Variants in CBFA2T3 observed in about 807,000 individuals in gnomAD.
The protein encoded by CBFA2T3 is CBFA2/RUNX1 partner transcriptional co-repressor 3, also known as transcriptional corepressor CBFA2T3.
A neutral mutation model predicts 58.6 loss-of-function variants in CBFA2T3; 31 were observed. That is an observed-to-expected ratio of 0.53 (90% confidence interval 0.40 to 0.71). CBFA2T3 has a LOEUF of 0.71. CBFA2T3 is among the 30% of genes least tolerant of loss of function. The pLI is 0.00. For synonymous variants in CBFA2T3, 531 were observed against 421.9 expected (o/e 1.26, Z -3.17); for missense variants, 1,076 against 963.1 (o/e 1.12, Z -1.55).
rs1972884170 is a variant in CBFA2T3 at position 88,977,128 on chromosome 16, G to C, written c.-321C>G. 9.2e-6 allele frequency: 3 copies of C among 325,154 alleles called. No individual in the cohort carries two copies. In the South Asian group the frequency reaches 2.5e-4, roughly 27 times the overall value. The allele number at this position is 325,154 out of a possible 1,614,324, so 20.1% of individuals were successfully genotyped here. On this transcript the variant is annotated 5_prime_UTR_variant, in exon 1 of 12. Coordinates refer to ENST00000268679, the MANE Select transcript of CBFA2T3 (RefSeq NM_005187.6). ...GTGATAATGCCGGGGCCGGAGGCCT[G>C]CAGCTGCGCCCGCCACTTCCCTGAC...
chr16:88,877,366 G>A (rs1044386647), intron 11 of CBFA2T3, 91 bp from the exon 12 acceptor site: 9 of 1,019,986 alleles, frequency 8.8e-6, no homozygotes, highest in African/African-American at 3.3e-5. Context: ...ACCCAGCCAC[G>A]TCATCACCAG....
At chr16:88,927,810 C>T (rs1340448827) in intron 1 of CBFA2T3, among the ~76,000 whole-genome samples, 1 of 152,236 alleles carries the variant, frequency 6.6e-6, no homozygotes, top group Non-Finnish European at 1.5e-5. Context: ...AGACTTCCCA[C>T]CTGCTCCCTC....
At chr16:88,915,903 G>A (rs770945344) in intron 1 of CBFA2T3, among the ~76,000 whole-genome samples, 7 of 152,072 alleles carry the variant, frequency 4.6e-5, no homozygotes, top group African/African-American at 1.2e-4. Context: ...GGAGCGTCAC[G>A]GTGCCCTCTA....
rs769547749 is a variant in CBFA2T3 at position 88,876,263 on chromosome 16, C to G, written c.*713G>C. 4.4e-6 allele frequency: 1 copy of G among 228,376 alleles called. No homozygotes were observed. Among genetic ancestry groups the G allele is most frequent in the Non-Finnish European group, 8.7e-6 (1 of 114,996 alleles). The allele number at this position is 228,376 out of a possible 1,614,324, so 14.1% of individuals were successfully genotyped here. A position where few individuals can be genotyped will look rare whatever the true frequency, so the allele number is the denominator to read the frequency against. ...TTTAAAAAAACTTTTTGGATTTTTA[C>G]TTAAAGCCAAAGAGTTTAACATTAC... On this transcript the variant is annotated 3_prime_UTR_variant, in exon 12 of 12. Transcript: ENST00000268679.
chr16:88,964,491 C>A (rs909560348), intron 1 of CBFA2T3, among the ~76,000 whole-genome samples: 2 of 152,206 alleles, frequency 1.3e-5, no homozygotes, highest in African/African-American at 2.4e-5. Flanking sequence ...AGAAAGATTG[C>A]ACTTCACTAA....
intron 5 of CBFA2T3, among the ~76,000 whole-genome samples, chr16:88,889,838 C>T (rs1969552992): frequency 6.9e-6 from 1 of 145,394 alleles, no homozygotes; most frequent in Non-Finnish European, 1.5e-5. Context: ...CGATGCCCCG[C>T]GATTCCTCCT....
chr16:88,975,563 G>A (rs544741141), intron 1 of CBFA2T3, among the ~76,000 whole-genome samples: 2 of 152,392 alleles, frequency 1.3e-5, no homozygotes, highest in East Asian at 3.9e-4. Flanking sequence ...AGGACGGGAT[G>A]GCAGATGCCA....
intron 3 of CBFA2T3, among the ~76,000 whole-genome samples, chr16:88,895,993 G>A (rs1000139924): frequency 6.6e-6 from 1 of 152,214 alleles, no homozygotes; most frequent in Non-Finnish European, 1.5e-5. Flanking sequence ...TGTACTGTGT[G>A]TCCCCAGCCA....
At chr16:88,887,784 C>T (rs1346411019) in intron 5 of CBFA2T3, among the ~76,000 whole-genome samples, 1 of 152,128 alleles carries the variant, frequency 6.6e-6, no homozygotes, top group Non-Finnish European at 1.5e-5. Context: ...CAAAATGCCC[C>T]AACTCCACCA....
At chr16:88,896,112 G>C (rs1168994189) in intron 3 of CBFA2T3, among the ~76,000 whole-genome samples, 2 of 152,208 alleles carry the variant, frequency 1.3e-5, no homozygotes, top group African/African-American at 4.8e-5. Flanking sequence ...TGTTGTGTGA[G>C]GCTGTTGGCA....
At chr16:88,903,719 C>T (rs1429608470) in intron 1 of CBFA2T3, among the ~76,000 whole-genome samples, 1 of 148,992 alleles carries the variant, frequency 6.7e-6, no homozygotes, top group East Asian at 2.0e-4. Flanking sequence ...TGGGGGCAGC[C>T]CTTCCAGACC....
chr16:88,924,414 G>A (rs944841643), intron 1 of CBFA2T3, among the ~76,000 whole-genome samples: 2 of 152,126 alleles, frequency 1.3e-5, no homozygotes, highest in African/African-American at 4.8e-5. Context: ...GAGGGACCCG[G>A]GGTCCAGGAA....
chr16:88,976,688 GGAGCAGCC>G lies in CBFA2T3; in HGVS notation c.112_119del (p.Gly38ArgfsTer18). The G allele has an allele frequency of 6.4e-7, 1 of 1,562,166 alleles. No homozygotes were observed. ...CGCCCTTCCTGGGACCCCGGGGTGC[GGAGCAGCC>G]GGCAGATGCCAGGAGGCCGCTCTCC... On this transcript the variant is annotated frameshift_variant, in exon 1 of 12. Coordinates refer to ENST00000268679, the MANE Select transcript of CBFA2T3 (RefSeq NM_005187.6). LOFTEE classifies it high-confidence loss of function.
rs536638120 is a variant in CBFA2T3 at position 88,971,351 on chromosome 16, C to T, written c.151+5306G>A. Among the ~76,000 whole-genome samples the T allele has an allele frequency of 2.0e-5, 3 of 152,316 alleles. No individual in the cohort carries two copies. In the East Asian group the frequency reaches 5.8e-4, roughly 29 times the overall value. On this transcript the variant is annotated intron_variant, in intron 1 of 11. Transcript: ENST00000268679. ...TCTCGGAATCCTGGCCTCAAGTGAT[C>T]CGCCTGCCTCGGCCTCCCAAAGTGC...
rs569947288 is a variant in CBFA2T3, at chr16:88,885,517, G to C, written c.894-248C>G. On this transcript the variant is annotated intron_variant, in intron 6 of 11. Coordinates refer to ENST00000268679, the MANE Select transcript of CBFA2T3 (RefSeq NM_005187.6). This position sits in a 1 kb window ranked among gnomAD's most constrained non-coding sequence, Gnocchi z 5.3. Reference sequence around the variant, plus strand: ...CTGCATGGCATCCTGGGGCCTGGTGGTCAAAGAGCCGGACTCGCTGCTCTG... The same window carrying C: ...CTGCATGGCATCCTGGGGCCTGGTGCTCAAAGAGCCGGACTCGCTGCTCTG... Among the ~76,000 whole-genome samples the C allele has an allele frequency of 6.6e-5, 10 of 152,282 alleles. No homozygotes were observed. The highest frequency in any genetic ancestry group is 2.4e-4 in the African/African-American group (10 of 41,560).
chr16:88,912,037 C>T (rs543019246), intron 1 of CBFA2T3, among the ~76,000 whole-genome samples: 1 of 152,256 alleles, frequency 6.6e-6, no homozygotes, highest in Non-Finnish European at 1.5e-5. Flanking sequence ...CACAGAAGTG[C>T]TGCTGAACCG....
chr16:88,970,209 G>A (rs571978837), intron 1 of CBFA2T3, among the ~76,000 whole-genome samples: 8 of 152,362 alleles, frequency 5.3e-5, no homozygotes, highest in Admixed American at 1.3e-4. Flanking sequence ...GCCCCAAGCC[G>A]GCAGCCTTGC....
intron 1 of CBFA2T3, among the ~76,000 whole-genome samples, chr16:88,911,810 T>C (rs913833939): frequency 7.9e-5 from 12 of 152,314 alleles, no homozygotes; most frequent in African/African-American, 2.2e-4. Context: ...AGCTGGCCCA[T>C]AGGTGACACT....
intron 1 of CBFA2T3, among the ~76,000 whole-genome samples, chr16:88,974,751 C>T (rs902641050): frequency 1.6e-4 from 24 of 152,144 alleles, no homozygotes; most frequent in South Asian, 4.2e-4. Flanking sequence ...CTGTCCAGGA[C>T]CCCCCGCAGT....
Sources: allele counts gnomAD v4.1 joint callset (sites outside exome capture counted in the v4.1 genomes callset), GRCh38; gene constraint gnomAD v4.1.1; non-coding constraint Gnocchi (gnomAD v3.1); transcripts MANE v1.5; gene names NCBI Gene and HGNC (gene_info 2026-07-23, HGNC 2026-07-21).